The following ADAMTSL1 variants were observed in gnomAD, a reference collection of about 807,000 sequenced individuals.
ADAMTSL1 encodes ADAMTS like 1.
In ADAMTSL1, 126 loss-of-function variants were observed where a neutral mutation model predicts 201.8. The observed-to-expected ratio is 0.62, with a 90% CI of 0.54 to 0.72. The LOEUF (loss-of-function observed/expected upper bound fraction) is 0.72. ADAMTSL1 is among the 30% of genes least tolerant of loss of function. The pLI is 0.00. For missense variants in ADAMTSL1, 2,679 were observed against 2,277.8 expected, an observed-to-expected ratio of 1.18 and a Z score of -3.59; for synonymous variants, 1,121 against 903.4, an observed-to-expected ratio of 1.24 and a Z score of -4.32.
chr9:18,561,536 T>C (rs145712467), intron 3 of ADAMTSL1, among the ~76,000 whole-genome samples: 2 of 152,318 alleles, frequency 1.3e-5, no homozygotes, highest in African/African-American at 4.8e-5. Context: ...TATAGATGTC[T>C]ATTAGGTCCA....
At chr9:18,389,333 G>C (rs1837948272) in intron 2 of ADAMTSL1, among the ~76,000 whole-genome samples, 1 of 152,002 alleles carries the variant, frequency 6.6e-6, no homozygotes, top group Admixed American at 6.6e-5. Context: ...ATGTAAACTG[G>C]TTAATGTACA....
At chr9:18,176,126 A>G (rs1828142932) in intron 2 of ADAMTSL1, among the ~76,000 whole-genome samples, 1 of 152,040 alleles carries the variant, frequency 6.6e-6, no homozygotes, top group South Asian at 2.1e-4. Context: ...TCTTGTTTCA[A>G]GAATGTTGTC....
intron 2 of ADAMTSL1, among the ~76,000 whole-genome samples, chr9:18,244,013 C>CT (rs1249144350): frequency 1.3e-5 from 2 of 151,774 alleles, no homozygotes; most frequent in Non-Finnish European, 2.9e-5. Context: ...TGCATTTTTC[C>CT]TTTTTTTACC....
At chr9:18,671,906 G>A (rs993571215) in intron 9 of ADAMTSL1, among the ~76,000 whole-genome samples, 4 of 151,984 alleles carry the variant, frequency 2.6e-5, no homozygotes, top group Non-Finnish European at 4.4e-5. Context: ...GCGTGGCGGC[G>A]GGCGCCTGTA....
intron 1 of ADAMTSL1, among the ~76,000 whole-genome samples, chr9:17,943,935 C>G (rs910526353): frequency 6.6e-6 from 1 of 151,596 alleles, no homozygotes. Flanking sequence ...ACAGAAGGAA[C>G]GAGAGAGAGG....
chr9:18,887,065 T>G (rs1284803459), intron 23 of ADAMTSL1, among the ~76,000 whole-genome samples: 1 of 152,162 alleles, frequency 6.6e-6, no homozygotes, highest in East Asian at 1.9e-4. Context: ...ATTTTACACT[T>G]CCAAAGAAAT....
chr9:18,800,804 A>T (rs1415107756), intron 20 of ADAMTSL1, among the ~76,000 whole-genome samples: 2 of 152,210 alleles, frequency 1.3e-5, no homozygotes, highest in Non-Finnish European at 2.9e-5. Flanking sequence ...AGGCCGCAGC[A>T]TCACGTGGCT....
At chr9:18,848,468 C>T (rs1001453069) in intron 23 of ADAMTSL1, among the ~76,000 whole-genome samples, 6 of 152,210 alleles carry the variant, frequency 3.9e-5, no homozygotes, top group Non-Finnish European at 5.9e-5. Context: ...CTATTTCTCT[C>T]TCAGGTAATT....
chr9:18,085,250 C>T (rs1043646413), intron 1 of ADAMTSL1, among the ~76,000 whole-genome samples: 1 of 152,038 alleles, frequency 6.6e-6, no homozygotes, highest in African/African-American at 2.4e-5. Flanking sequence ...GCCCATATTG[C>T]CTGGGTTTGG....
At chr9:18,613,544 G>A (rs1825512385) in intron 4 of ADAMTSL1, among the ~76,000 whole-genome samples, 2 of 152,308 alleles carry the variant, frequency 1.3e-5, no homozygotes, top group Admixed American at 1.3e-4. Flanking sequence ...AAAAAAGAAT[G>A]AGATTATGTC....
intron 1 of ADAMTSL1, among the ~76,000 whole-genome samples, chr9:18,075,721 C>G (rs1823190300): frequency 6.6e-6 from 1 of 152,106 alleles, no homozygotes; most frequent in Non-Finnish European, 1.5e-5. Flanking sequence ...CCAAGCCCAC[C>G]CTGGGAGGGC....
At chr9:18,779,950 A>G (rs900931485) in intron 19 of ADAMTSL1, among the ~76,000 whole-genome samples, 2 of 152,222 alleles carry the variant, frequency 1.3e-5, no homozygotes, top group African/African-American at 4.8e-5. Flanking sequence ...GACTGGCTGC[A>G]TGAGGGAAAA....
chr9:18,860,764 C>T (rs1827164759), intron 23 of ADAMTSL1, among the ~76,000 whole-genome samples: 1 of 151,976 alleles, frequency 6.6e-6, no homozygotes, highest in Non-Finnish European at 1.5e-5. Context: ...TAGGGTTTCT[C>T]AGCTTTGGTC....
chr9:18,209,905 C>G (rs1587317262), intron 2 of ADAMTSL1, among the ~76,000 whole-genome samples: 1 of 152,084 alleles, frequency 6.6e-6, no homozygotes, highest in Non-Finnish European at 1.5e-5. Flanking sequence ...GTCAGATTAT[C>G]TAGGCTGAGG....
chr9:18,738,434 G>A (rs1470120087), intron 15 of ADAMTSL1, among the ~76,000 whole-genome samples: 1 of 152,186 alleles, frequency 6.6e-6, no homozygotes, highest in African/African-American at 2.4e-5. Flanking sequence ...AAAGAAGATG[G>A]TTGCATTCAT....
chr9:18,620,952 C>T (rs529879309), intron 4 of ADAMTSL1, among the ~76,000 whole-genome samples: 2 of 152,108 alleles, frequency 1.3e-5, no homozygotes, highest in Admixed American at 6.5e-5. Flanking sequence ...GTTTTTAAAC[C>T]TTCATCTAAA....
chr9:18,376,002 G>T (rs989727409), intron 2 of ADAMTSL1, among the ~76,000 whole-genome samples: 1 of 152,170 alleles, frequency 6.6e-6, no homozygotes, highest in Non-Finnish European at 1.5e-5. Flanking sequence ...CCTAGCTACA[G>T]AGTGCTGATT....
intron 1 of ADAMTSL1, among the ~76,000 whole-genome samples, chr9:18,141,672 A>G (rs574506947): frequency 7.2e-5 from 11 of 152,272 alleles, no homozygotes; most frequent in African/African-American, 2.6e-4. Context: ...GGACTACAGA[A>G]GTACTTCTTG....
intron 1 of ADAMTSL1, among the ~76,000 whole-genome samples, chr9:18,076,167 A>G (rs1209306913): frequency 6.6e-6 from 1 of 152,154 alleles, no homozygotes; most frequent in South Asian, 2.1e-4. Flanking sequence ...TTCACGTTTT[A>G]TTTTGTTTCT....
Sources: gnomAD v4.1 joint callset for allele counts (sites outside exome capture counted in the v4.1 genomes callset) on GRCh38, gnomAD v4.1.1 for gene constraint, MANE v1.5 for transcripts, NCBI Gene and HGNC (gene_info 2026-07-23, HGNC 2026-07-21) for gene names.